Variants in ESCO1 observed in about 807,000 individuals in gnomAD.
ESCO1 encodes establishment of sister chromatid cohesion N-acetyltransferase 1.
ESCO1 carries 33 observed loss-of-function variants against 83.5 expected under a neutral mutation model. The observed-to-expected ratio is 0.40, with a 90% CI of 0.30 to 0.53. ESCO1 has a LOEUF of 0.53. Among genes scored for constraint, ESCO1 ranks in the 20% least tolerant of loss-of-function variants. The pLI is 0.63. For synonymous variants in ESCO1, 332 were observed against 324.3 expected (o/e 1.02, Z -0.25); for missense variants, 855 against 968.0 (o/e 0.88, Z 1.55).
chr18:21,534,630 G>GC (rs1310008835), intron 10 of ESCO1, among the ~76,000 whole-genome samples: 5 of 150,206 alleles, frequency 3.3e-5, no homozygotes, highest in Admixed American at 6.6e-5. Context: ...CCAGGTGTGG[G>GC]CCTTTTTTTT....
intron 2 of ESCO1, among the ~76,000 whole-genome samples, 153 bp downstream of exon 2, chr18:21,584,157 C>CTATA (rs1397482533): frequency 6.6e-6 from 1 of 152,094 alleles, no homozygotes; most frequent in Non-Finnish European, 1.5e-5. Flanking sequence ...TTACTTTTCA[C>CTATA]TATATACCCA....
At chr18:21,582,943 C>A (rs1168282451) in intron 2 of ESCO1, among the ~76,000 whole-genome samples, 2 of 152,226 alleles carry the variant, frequency 1.3e-5, no homozygotes, top group African/African-American at 2.4e-5. Context: ...GTAATCCCAG[C>A]ACTTTGGGGG....
Position 21,573,639 on chromosome 18 carries a change from A to G in ESCO1, c.1205T>C (p.Val402Ala). 1.9e-6 allele frequency: 3 copies of G among 1,614,150 alleles called. No individual in the cohort carries two copies. In the South Asian group the frequency reaches 3.3e-5, roughly 18 times the overall value. The change falls in exon 4 of 12, where the codon GTG becomes GCG. Residue 402 changes from valine (V) to alanine (A), a missense_variant. By Grantham distance (64) the Val-to-Ala change is moderately conservative. Coordinates refer to ENST00000269214, the MANE Select transcript of ESCO1 (RefSeq NM_052911.3). ...TTGAGAGTCCAACTTATTGTGCTGC[A>G]CAGAGTTAAATTTTGAGAGTTTAAT... ...TKIKLSKFNSVQHNKLDSQVS... is the reference protein window; with the variant it reads ...TKIKLSKFNSAQHNKLDSQVS...
At chr18:21,558,003 A>G (rs972335069) in intron 8 of ESCO1, among the ~76,000 whole-genome samples, 2 of 148,238 alleles carry the variant, frequency 1.3e-5, no homozygotes, top group Non-Finnish European at 3.0e-5. Context: ...TTTTTGAAAC[A>G]GGGTCCTGCT....
intron 8 of ESCO1, among the ~76,000 whole-genome samples, chr18:21,559,829 G>A (rs7239746): frequency 0.98 from 149,714 of 152,272 alleles, 73,649 homozygotes; most frequent in East Asian, 1. Context: ...AGTGTGTGGA[G>A]AAGTCAGATG....
chr18:21,562,834 G>C (rs998376290), intron 7 of ESCO1, among the ~76,000 whole-genome samples: 1 of 151,278 alleles, frequency 6.6e-6, no homozygotes, highest in South Asian at 2.1e-4. Flanking sequence ...CTGCAATATA[G>C]ATATTCAAAA....
At chr18:21,580,578 AAAG>A (rs1410896660) in intron 2 of ESCO1, among the ~76,000 whole-genome samples, 1 of 152,210 alleles carries the variant, frequency 6.6e-6, no homozygotes, top group African/African-American at 2.4e-5. Context: ...AAAATGAAGA[AAAG>A]AGGAGGGAGT....
At chr18:21,570,696 C>T (rs955307222) in intron 4 of ESCO1, among the ~76,000 whole-genome samples, 11 of 152,100 alleles carry the variant, frequency 7.2e-5, no homozygotes, top group Non-Finnish European at 1.2e-4. Context: ...TTGCAGTCTT[C>T]GGCCAGGCGT....
intron 10 of ESCO1, among the ~76,000 whole-genome samples, chr18:21,533,294 T>G (rs1220791693): frequency 1.3e-5 from 2 of 151,770 alleles, no homozygotes; most frequent in Admixed American, 6.6e-5. Context: ...CACAATTGGT[T>G]GTTTTTTTTG....
chr18:21,549,372 G>A (rs1423712605), intron 8 of ESCO1, among the ~76,000 whole-genome samples: 1 of 151,944 alleles, frequency 6.6e-6, no homozygotes, highest in Non-Finnish European at 1.5e-5. Context: ...TGACACTATT[G>A]AACTGCTAGA....
At chr18:21,547,061 C>T (rs2037983046) in intron 8 of ESCO1, among the ~76,000 whole-genome samples, 1 of 152,198 alleles carries the variant, frequency 6.6e-6, no homozygotes, top group Admixed American at 6.5e-5. Context: ...TCAAGGGACT[C>T]CTACTTATCC....
intron 1 of ESCO1, among the ~76,000 whole-genome samples, chr18:21,590,341 C>A (rs1299161197): frequency 6.6e-6 from 1 of 151,808 alleles, no homozygotes; most frequent in Non-Finnish European, 1.5e-5. Context: ...CTTGCCTCAG[C>A]CTCCTCAGTA....
intron 8 of ESCO1, among the ~76,000 whole-genome samples, chr18:21,559,386 T>C (rs1444767737): frequency 6.6e-6 from 1 of 152,266 alleles, no homozygotes; most frequent in African/African-American, 2.4e-5. Context: ...TGGAAGATGA[T>C]GACTCCACCT....
intron 8 of ESCO1, among the ~76,000 whole-genome samples, chr18:21,550,505 T>C (rs1253378656): frequency 2.0e-5 from 3 of 152,108 alleles, no homozygotes; most frequent in Non-Finnish European, 4.4e-5. Context: ...AGGATTCACA[T>C]TTTAAGCACT....
chr18:21,571,562 G>C (rs1419117410), intron 4 of ESCO1, among the ~76,000 whole-genome samples: 1 of 152,164 alleles, frequency 6.6e-6, no homozygotes, highest in Non-Finnish European at 1.5e-5. Flanking sequence ...TAAAAGCAAT[G>C]TTATCAAAGG....
chr18:21,536,458 G>C (rs1312259972), intron 9 of ESCO1, among the ~76,000 whole-genome samples: 9 of 152,000 alleles, frequency 5.9e-5, no homozygotes, highest in African/African-American at 2.2e-4. Context: ...AGGTGCCGCA[G>C]TGTGCGCCTG....
At position 21,529,294 on chromosome 18, in the gene ESCO1, C is replaced by T. The variant is rs778683181; in HGVS notation, c.*1049G>A. On this transcript the variant is annotated 3_prime_UTR_variant, in exon 12 of 12. Transcript: ENST00000269214. ...AACACACCATTATTCTCAGTTAGTACATTGGTCACTTAGAAAAAGCTATCA... is the reference window on the plus strand; with the variant it reads ...AACACACCATTATTCTCAGTTAGTATATTGGTCACTTAGAAAAAGCTATCA... 3 of 152,576 alleles carry T rather than the reference C, an allele frequency of 2.0e-5. No individual in the cohort carries two copies. Among genetic ancestry groups the T allele is most frequent in the Non-Finnish European group, 4.4e-5 (3 of 68,032 alleles). 9.5% of individuals were successfully genotyped at this position (152,576 alleles called of 1,614,324 possible). A position where few individuals can be genotyped will look rare whatever the true frequency, so the allele number is the denominator to read the frequency against.
In ESCO1 at chr18:21,568,023, C is replaced by A. The variant is rs571208616; in HGVS notation, c.1602G>T (p.Leu534=). The change falls in exon 5 of 12, where the codon CTG becomes CTT. Residue 534 remains leucine, a synonymous_variant. Transcript: ENST00000269214. ...CTGTATCAATTTTTGCTTGACTGAG[C>A]AGAGTCGAAGCAGCAGTAACATTTT... The part of the protein sequence containing the change: ...PVENVTAAST[L]LSQAKIDTGE... 37 of 1,613,644 alleles carry A rather than the reference C, an allele frequency of 2.3e-5. 1 individual carries two copies. The South Asian group carries it at 3.5e-4, about 15-fold the overall frequency.
At chr18:21,556,701 C>G (rs1568099225) in intron 8 of ESCO1, among the ~76,000 whole-genome samples, 1 of 147,724 alleles carries the variant, frequency 6.8e-6, no homozygotes, top group Admixed American at 6.8e-5. Context: ...TCTGTCAACT[C>G]TTTTTTTTTT....
Sources: allele counts gnomAD v4.1 joint callset (sites outside exome capture counted in the v4.1 genomes callset), GRCh38; gene constraint gnomAD v4.1.1; transcripts MANE v1.5; gene names NCBI Gene and HGNC (gene_info 2026-07-23, HGNC 2026-07-21).